SORCS1: variants seen among roughly 807,000 people sequenced by gnomAD.
The protein encoded by SORCS1 is sortilin related VPS10 domain containing receptor 1, also known as VPS10 domain-containing receptor SorCS1.
In SORCS1, 60 loss-of-function variants were observed where a neutral mutation model predicts 146.1. The observed-to-expected ratio is 0.41, with a 90% CI of 0.33 to 0.51. The LOEUF (loss-of-function observed/expected upper bound fraction) is 0.51. SORCS1 is among the 20% of genes least tolerant of loss of function. The pLI, the probability that SORCS1 is intolerant of heterozygous loss-of-function variation, is 0.21. For missense variants in SORCS1, 1,352 were observed against 1,487.6 expected, an observed-to-expected ratio of 0.91 and a Z score of 1.50; for synonymous variants, 637 against 584.0, an observed-to-expected ratio of 1.09 and a Z score of -1.31.
intron 1 of SORCS1, among the ~76,000 whole-genome samples, chr10:106,967,613 C>G (rs1197513761): frequency 6.6e-6 from 1 of 152,176 alleles, no homozygotes; most frequent in East Asian, 1.9e-4. Context: ...AAGCTGGCAA[C>G]TTAGCATGGT....
chr10:106,852,621 C>G (rs1421328372), intron 2 of SORCS1, among the ~76,000 whole-genome samples: 1 of 119,932 alleles, frequency 8.3e-6, no homozygotes, highest in Non-Finnish European at 1.7e-5. Flanking sequence ...GAGCGAGACC[C>G]TGTCTCAAAA....
intron 1 of SORCS1, among the ~76,000 whole-genome samples, chr10:106,994,203 G>A (rs553592496): frequency 6.6e-6 from 1 of 152,044 alleles, no homozygotes; most frequent in South Asian, 2.1e-4. Context: ...GGACTTTCAG[G>A]AAACCTGCAT....
chr10:107,030,531 G>T (rs1042650260), intron 1 of SORCS1, among the ~76,000 whole-genome samples: 1 of 152,098 alleles, frequency 6.6e-6, no homozygotes, highest in Non-Finnish European at 1.5e-5. Context: ...ACAGGTGTAG[G>T]CACATATTCA....
intron 2 of SORCS1, among the ~76,000 whole-genome samples, chr10:106,927,489 A>G (rs576464707): frequency 2.0e-5 from 3 of 152,206 alleles, no homozygotes; most frequent in African/African-American, 4.8e-5. Flanking sequence ...GACTTATTGC[A>G]AAGAGCGAAA....
At chr10:106,581,518 C>T (rs899222699) in intron 24 of SORCS1, among the ~76,000 whole-genome samples, 9 of 152,022 alleles carry the variant, frequency 5.9e-5, no homozygotes, top group African/African-American at 2.2e-4. Flanking sequence ...ATCATGTACG[C>T]TTACGTTTGG....
chr10:106,892,633 T>C (rs184643883), intron 2 of SORCS1, among the ~76,000 whole-genome samples: 2 of 152,324 alleles, frequency 1.3e-5, no homozygotes, highest in East Asian at 1.9e-4. Flanking sequence ...TTTCATGAAG[T>C]CTTCTTTAGG....
chr10:106,729,870 C>T (rs567705152), intron 6 of SORCS1, among the ~76,000 whole-genome samples, 180 bp downstream of exon 6: 19 of 152,250 alleles, frequency 1.2e-4, no homozygotes, highest in African/African-American at 4.6e-4. Flanking sequence ...ACAGAAGATA[C>T]CTGCACTTTA....
At chr10:107,065,530 T>TTCTC (rs1406440239) in intron 1 of SORCS1, among the ~76,000 whole-genome samples, 1 of 142,112 alleles carries the variant, frequency 7.0e-6, no homozygotes, top group Non-Finnish European at 1.5e-5. Flanking sequence ...CTTTCTTTCT[T>TTCTC]TCTCTTTCTT....
intron 17 of SORCS1, 151 bp downstream of exon 17, chr10:106,667,538 G>C: frequency 1.8e-6 from 1 of 571,382 alleles, no homozygotes; most frequent in South Asian, 2.7e-5. Context: ...TTAGTGCAAA[G>C]TTGTGCTTCA....
intron 1 of SORCS1, among the ~76,000 whole-genome samples, chr10:107,094,236 T>C (rs908805011): frequency 6.6e-6 from 1 of 152,204 alleles, no homozygotes; most frequent in Non-Finnish European, 1.5e-5. Context: ...CATATGGTAA[T>C]TGTTTATTAT....
At chr10:107,048,980 G>A (rs1186551528) in intron 1 of SORCS1, among the ~76,000 whole-genome samples, 6 of 151,844 alleles carry the variant, frequency 4.0e-5, no homozygotes, top group Non-Finnish European at 7.4e-5. Context: ...CAATTATTGC[G>A]GCACTACTCA....
At chr10:106,802,389 T>C (rs1946947030) in intron 3 of SORCS1, among the ~76,000 whole-genome samples, 1 of 152,090 alleles carries the variant, frequency 6.6e-6, no homozygotes, top group Non-Finnish European at 1.5e-5. Flanking sequence ...TGGAGTGCAG[T>C]GACACGATCA....
intron 2 of SORCS1, among the ~76,000 whole-genome samples, chr10:106,936,261 C>A (rs1264442408): frequency 6.6e-6 from 1 of 152,128 alleles, no homozygotes; most frequent in Non-Finnish European, 1.5e-5. Context: ...CTCATGGGCA[C>A]TCAGTTGCAT....
chr10:106,690,276 A>C (rs1480010060), intron 9 of SORCS1, among the ~76,000 whole-genome samples: 2 of 152,250 alleles, frequency 1.3e-5, no homozygotes, highest in African/African-American at 2.4e-5. Context: ...AAATTAAATT[A>C]CGTAAATCAG....
At chr10:106,627,849 C>T (rs537697928) in intron 19 of SORCS1, among the ~76,000 whole-genome samples, 1 of 152,224 alleles carries the variant, frequency 6.6e-6, no homozygotes, top group Non-Finnish European at 1.5e-5. Flanking sequence ...TTATCAAGAG[C>T]TAGGATCCTT....
intron 15 of SORCS1, among the ~76,000 whole-genome samples, chr10:106,672,400 C>A (rs1021321105): frequency 3.9e-5 from 6 of 152,028 alleles, no homozygotes; most frequent in Non-Finnish European, 4.4e-5. Flanking sequence ...TGCAAGGAGG[C>A]AAAAAGTACC....
chr10:106,783,348 T>C (rs983318128), intron 3 of SORCS1, among the ~76,000 whole-genome samples: 57 of 152,248 alleles, frequency 3.7e-4, no homozygotes, highest in African/African-American at 1.4e-3. Context: ...GTGGTAAGGT[T>C]ATCTATGTCA....
chr10:106,712,035 C>T (rs962110798), intron 6 of SORCS1, among the ~76,000 whole-genome samples: 3 of 152,126 alleles, frequency 2.0e-5, no homozygotes, highest in Non-Finnish European at 4.4e-5. Context: ...CTGAGTCTTG[C>T]TGTTACTGCA....
intron 5 of SORCS1, among the ~76,000 whole-genome samples, chr10:106,756,149 T>A (rs1051956042): frequency 4.2e-4 from 63 of 150,948 alleles, no homozygotes; most frequent in African/African-American, 1.5e-3. Flanking sequence ...ATAAATAAAA[T>A]AAGTAAGCCT....
Sources: allele counts gnomAD v4.1 joint callset (sites outside exome capture counted in the v4.1 genomes callset), GRCh38; gene constraint gnomAD v4.1.1; transcripts MANE v1.5; gene names NCBI Gene and HGNC (gene_info 2026-07-23, HGNC 2026-07-21).